ULK4: variants seen among roughly 807,000 people sequenced by gnomAD.
The protein encoded by ULK4 is inactive serine/threonine-protein kinase ULK4.
A neutral mutation model predicts 160.6 loss-of-function variants in ULK4; 133 were observed. That is an observed-to-expected ratio of 0.83 (90% CI 0.72 to 0.96). The LOEUF (loss-of-function observed/expected upper bound fraction) is 0.96, where lower values mean the gene tolerates loss of function less well. Ranked by LOEUF, ULK4 falls within the 40% of genes least tolerant of loss-of-function variation. The probability of loss-of-function intolerance (pLI) is 0.00; values close to 1 mark genes in which losing one functional copy is unlikely to be tolerated. For synonymous variants in ULK4, 534 were observed against 539.8 expected (o/e 0.99, Z 0.15); for missense variants, 1,580 against 1,499.5 (o/e 1.05, Z -0.89).
At chr3:41,615,298 A>T (rs2032906821) in intron 31 of ULK4, among the ~76,000 whole-genome samples, 2 of 152,240 alleles carry the variant, frequency 1.3e-5, no homozygotes. Flanking sequence ...GCAAAGTCAG[A>T]GGGCTTCATA....
chr3:41,462,570 C>T (rs2083712637), intron 33 of ULK4, among the ~76,000 whole-genome samples: 1 of 152,186 alleles, frequency 6.6e-6, no homozygotes, highest in Non-Finnish European at 1.5e-5. Flanking sequence ...CTGAATACAC[C>T]TCTATTCCTC....
chr3:41,751,791 G>C (rs2038639321), intron 22 of ULK4, among the ~76,000 whole-genome samples: 2 of 152,172 alleles, frequency 1.3e-5, no homozygotes, highest in Non-Finnish European at 2.9e-5. Flanking sequence ...ACAGAGACTT[G>C]AATGATCTGA....
intron 21 of ULK4, among the ~76,000 whole-genome samples, chr3:41,781,041 A>G (rs2039823146): frequency 6.6e-6 from 1 of 152,150 alleles, no homozygotes; most frequent in Non-Finnish European, 1.5e-5. Flanking sequence ...TTATAGATAG[A>G]AAAATATATA....
intron 35 of ULK4, among the ~76,000 whole-genome samples, chr3:41,386,963 G>A (rs2081827983): frequency 6.6e-6 from 1 of 152,162 alleles, no homozygotes; most frequent in Non-Finnish European, 1.5e-5. Flanking sequence ...TCTGAGTCCT[G>A]AGAAGGACTG....
chr3:41,681,719 C>T, intron 28 of ULK4, 34 bp downstream of exon 28: 5 of 1,613,926 alleles, frequency 3.1e-6, no homozygotes, highest in Non-Finnish European at 4.2e-6. Context: ...GAATGTGTAA[C>T]TGATGCAATT....
intron 35 of ULK4, among the ~76,000 whole-genome samples, chr3:41,271,582 C>T (rs1012674263): frequency 6.6e-5 from 10 of 151,942 alleles, no homozygotes; most frequent in East Asian, 1.9e-4. Flanking sequence ...TTACTAGAGA[C>T]GGAGTTTCAC....
intron 35 of ULK4, among the ~76,000 whole-genome samples, chr3:41,353,763 A>C (rs1184851733): frequency 6.6e-6 from 1 of 151,318 alleles, no homozygotes; most frequent in African/African-American, 2.4e-5. Context: ...AAGCAAAACA[A>C]AGAAAGACTG....
intron 32 of ULK4, among the ~76,000 whole-genome samples, chr3:41,468,990 A>C (rs1391393309): frequency 6.6e-6 from 1 of 152,184 alleles, no homozygotes; most frequent in Non-Finnish European, 1.5e-5. Context: ...GTACCAGCTA[A>C]TAGCCCATCC....
intron 33 of ULK4, among the ~76,000 whole-genome samples, chr3:41,456,945 A>T (rs901497906): frequency 6.6e-6 from 1 of 152,180 alleles, no homozygotes; most frequent in African/African-American, 2.4e-5. Flanking sequence ...CAACTTGCAC[A>T]TCTCAAAAGA....
chr3:41,670,954 A>T (rs2035518367), intron 29 of ULK4, among the ~76,000 whole-genome samples: 2 of 152,092 alleles, frequency 1.3e-5, no homozygotes, highest in Admixed American at 6.6e-5. Flanking sequence ...AAAGAGGGAG[A>T]TCACTGTACC....
At position 41,857,745 on chromosome 3, in the gene ULK4, T is replaced by C. The variant is rs944548288; in HGVS notation, c.1657-21774A>G. Among the ~76,000 whole-genome samples, 5 of 152,246 alleles carry C rather than the reference T, an allele frequency of 3.3e-5. No homozygotes were observed. In the East Asian group the frequency reaches 5.8e-4, roughly 18 times the overall value. On this transcript the variant is annotated intron_variant, in intron 17 of 36. Coordinates refer to ENST00000301831, the MANE Select transcript of ULK4 (RefSeq NM_017886.4). ...CACTTCTTTTAGATTTTCCAATTTA[T>C]TGGCATATAGTTGACATAGCAGTCG... is the stretch of plus-strand genomic sequence containing the variant.
chr3:41,810,500 T>A (rs988122631), intron 19 of ULK4, among the ~76,000 whole-genome samples: 3 of 152,204 alleles, frequency 2.0e-5, no homozygotes, highest in Non-Finnish European at 4.4e-5. Flanking sequence ...GTCTGTTCTA[T>A]TTCTCTGTCT....
intron 34 of ULK4, among the ~76,000 whole-genome samples, chr3:41,445,917 C>T (rs371512715): frequency 0.092 from 13,803 of 150,672 alleles, 1,156 homozygotes; most frequent in East Asian, 0.53. Flanking sequence ...CAAAAGAAAC[C>T]ACCATCAGAG....
chr3:41,256,797 G>T (rs2078844097), intron 35 of ULK4, among the ~76,000 whole-genome samples: 1 of 152,198 alleles, frequency 6.6e-6, no homozygotes, highest in Admixed American at 6.5e-5. Context: ...TAGACTTGGA[G>T]AAAATATTTG....
At chr3:41,807,760 T>A (rs1337403069) in intron 19 of ULK4, among the ~76,000 whole-genome samples, 15 of 152,202 alleles carry the variant, frequency 9.9e-5, no homozygotes, top group Admixed American at 9.2e-4. Context: ...CTTCAACACA[T>A]TTTTCATTTC....
intron 32 of ULK4, among the ~76,000 whole-genome samples, chr3:41,512,775 C>T (rs2085623459): frequency 6.6e-6 from 1 of 152,034 alleles, no homozygotes; most frequent in African/African-American, 2.4e-5. Context: ...GAAAAAAACA[C>T]TCCTAAAATT....
Position 41,458,492 on chromosome 3 carries a change from G to A in ULK4, c.3394-2897C>T, listed in dbSNP as rs115829119. Among the ~76,000 whole-genome samples, 1,424 of 152,124 alleles carry A rather than the reference G, an allele frequency of 9.4e-3. 18 individuals are homozygous for A. The highest frequency in any genetic ancestry group is 0.032 in the African/African-American group (1,340 of 41,498). ...TAGCTCATGCTTGTAATTCCAGCAC[G>A]TTGGGAGGCCGAGGCGGGTGGCCTG... On this transcript the variant is annotated intron_variant, in intron 33 of 36. Coordinates refer to ENST00000301831, the MANE Select transcript of ULK4 (RefSeq NM_017886.4).
At chr3:41,868,580 A>G (rs1696981579) in intron 17 of ULK4, among the ~76,000 whole-genome samples, 1 of 152,092 alleles carries the variant, frequency 6.6e-6, no homozygotes, top group African/African-American at 2.4e-5. Context: ...CTACGCCTCC[A>G]GGTTTCAAGC....
chr3:41,906,665 C>CTGAT, intron 12 of ULK4, among the ~76,000 whole-genome samples: 1 of 152,000 alleles, frequency 6.6e-6, no homozygotes, highest in South Asian at 2.1e-4. Flanking sequence ...GAATCTAGTA[C>CTGAT]TGATACATGC....
Sources: allele counts gnomAD v4.1 joint callset (sites outside exome capture counted in the v4.1 genomes callset), GRCh38; gene constraint gnomAD v4.1.1; transcripts MANE v1.5; gene names NCBI Gene and HGNC (gene_info 2026-07-23, HGNC 2026-07-21).